LRRC4C: variants seen among roughly 807,000 people sequenced by gnomAD.
LRRC4C encodes leucine rich repeat containing 4C.
LRRC4C carries 5 observed loss-of-function variants against 33.6 expected under a neutral mutation model. The observed-to-expected ratio is 0.15, with a 90% CI of 0.08 to 0.31. The LOEUF (loss-of-function observed/expected upper bound fraction) is 0.31. Among genes scored for constraint, LRRC4C ranks in the 10% least tolerant of loss-of-function variants. The probability of loss-of-function intolerance (pLI) is 1.00; values close to 1 mark genes in which losing one functional copy is unlikely to be tolerated. For synonymous variants in LRRC4C, 329 were observed against 302.0 expected, an observed-to-expected ratio of 1.09 and a Z score of -0.93; for missense variants, 560 against 796.7, an observed-to-expected ratio of 0.70 and a Z score of 3.58.
At chr11:41,116,752 C>T (rs1386588354) in intron 1 of LRRC4C, among the ~76,000 whole-genome samples, 2 of 151,970 alleles carry the variant, frequency 1.3e-5, no homozygotes, top group Non-Finnish European at 2.9e-5. Context: ...CTAACTCTAC[C>T]CCCAGGAATT....
chr11:40,242,158 G>A (rs966369115), intron 4 of LRRC4C, among the ~76,000 whole-genome samples: 11 of 152,114 alleles, frequency 7.2e-5, no homozygotes, highest in African/African-American at 2.7e-4. Context: ...TCAGCCGTCT[G>A]GACTTCTCTG....
intron 2 of LRRC4C, among the ~76,000 whole-genome samples, chr11:40,817,575 G>A (rs183909039): frequency 2.7e-4 from 41 of 152,190 alleles, no homozygotes; most frequent in African/African-American, 9.9e-4. Context: ...TTACTGGTCC[G>A]TAATATCCCA....
At chr11:40,726,643 C>T (rs905703264) in intron 2 of LRRC4C, among the ~76,000 whole-genome samples, 3 of 152,096 alleles carry the variant, frequency 2.0e-5, no homozygotes, top group Non-Finnish European at 4.4e-5. Flanking sequence ...AGCCCACAGC[C>T]AACATCATAC....
chr11:40,298,420 G>A lies in LRRC4C; in HGVS notation c.-176+21208C>T, dbSNP rs75722186. Among the ~76,000 whole-genome samples the A allele has an allele frequency of 9.3e-3, 1,395 of 150,680 alleles. 17 individuals carry two copies. The highest frequency in any genetic ancestry group is 0.032 in the African/African-American group (1,310 of 41,032). On this transcript the variant is annotated intron_variant, in intron 4 of 6. Coordinates refer to ENST00000528697, the MANE Select transcript of LRRC4C (RefSeq NM_001258419.2). ...AGAATGGTCTCAGCTATAGTCACTGGTGCAACTGGGCTCCACCCCACATGC... is the reference window on the plus strand; with the variant it reads ...AGAATGGTCTCAGCTATAGTCACTGATGCAACTGGGCTCCACCCCACATGC...
At chr11:40,439,962 G>A (rs1951317621) in intron 3 of LRRC4C, among the ~76,000 whole-genome samples, 1 of 152,164 alleles carries the variant, frequency 6.6e-6, no homozygotes, top group African/African-American at 2.4e-5. Context: ...ATAAAGTTTT[G>A]TTTGAATGCA....
At chr11:40,909,425 G>A (rs1459386859) in intron 2 of LRRC4C, among the ~76,000 whole-genome samples, 1 of 151,966 alleles carries the variant, frequency 6.6e-6, no homozygotes, top group Non-Finnish European at 1.5e-5. Context: ...ACAGTAAGAA[G>A]GCTATTAACT....
At chr11:40,758,970 A>G (rs544177010) in intron 2 of LRRC4C, among the ~76,000 whole-genome samples, 1 of 151,496 alleles carries the variant, frequency 6.6e-6, no homozygotes, top group African/African-American at 2.4e-5. Flanking sequence ...TCTTTTATAT[A>G]TTCAGTCTCT....
At chr11:40,509,489 T>A (rs1218171172) in intron 3 of LRRC4C, among the ~76,000 whole-genome samples, 1 of 152,016 alleles carries the variant, frequency 6.6e-6, no homozygotes, top group Non-Finnish European at 1.5e-5. Flanking sequence ...TTTTTAAAAT[T>A]TTTTTAATTT....
At chr11:40,305,212 C>T (rs1944970985) in intron 4 of LRRC4C, among the ~76,000 whole-genome samples, 1 of 152,206 alleles carries the variant, frequency 6.6e-6, no homozygotes, top group Admixed American at 6.5e-5. Context: ...GAGGTCATCC[C>T]TCTCAAGCAA....
At chr11:40,386,216 T>C (rs1195602656) in intron 3 of LRRC4C, among the ~76,000 whole-genome samples, 1 of 152,192 alleles carries the variant, frequency 6.6e-6, no homozygotes, top group East Asian at 1.9e-4. Flanking sequence ...TAAATAATCA[T>C]GTCCAAACAG....
intron 2 of LRRC4C, among the ~76,000 whole-genome samples, chr11:40,868,983 C>G (rs1456653246): frequency 6.6e-6 from 1 of 152,104 alleles, no homozygotes; most frequent in Non-Finnish European, 1.5e-5. Context: ...CTTAGAAACA[C>G]TAATAACATT....
chr11:40,633,019 T>C (rs571361676), intron 3 of LRRC4C, among the ~76,000 whole-genome samples: 1 of 152,352 alleles, frequency 6.6e-6, no homozygotes, highest in African/African-American at 2.4e-5. Context: ...ACTTTGGGTT[T>C]TTTTCTTAAC....
At chr11:41,169,753 G>A (rs2136085554) in intron 1 of LRRC4C, among the ~76,000 whole-genome samples, 1 of 152,200 alleles carries the variant, frequency 6.6e-6, no homozygotes, top group Non-Finnish European at 1.5e-5. Context: ...CTGAAAAGTA[G>A]CAAGCTTTAT....
intron 1 of LRRC4C, among the ~76,000 whole-genome samples, chr11:41,119,065 T>A (rs1184045134): frequency 6.6e-6 from 1 of 151,944 alleles, no homozygotes; most frequent in African/African-American, 2.4e-5. Context: ...CTTTAACAAT[T>A]CATTATCATC....
At chr11:40,191,590 G>A (rs1861844561) in intron 5 of LRRC4C, among the ~76,000 whole-genome samples, 2 of 152,264 alleles carry the variant, frequency 1.3e-5, no homozygotes, top group South Asian at 2.1e-4. Context: ...ATCAATCAGA[G>A]TTGGCATTAA....
chr11:41,320,300 T>A (rs1250389495), intron 1 of LRRC4C, among the ~76,000 whole-genome samples: 2 of 152,226 alleles, frequency 1.3e-5, no homozygotes, highest in Admixed American at 1.3e-4. Context: ...CCGATGGTAA[T>A]CCACATTTGA....
chr11:40,119,838 C>CT (rs1056531778), intron 6 of LRRC4C, among the ~76,000 whole-genome samples: 2 of 152,102 alleles, frequency 1.3e-5, no homozygotes, highest in Non-Finnish European at 2.9e-5. Context: ...CAGTCACCTT[C>CT]TTTATCAGGT....
intron 1 of LRRC4C, among the ~76,000 whole-genome samples, chr11:41,354,520 G>T (rs1449349973): frequency 6.6e-6 from 1 of 151,808 alleles, no homozygotes; most frequent in Admixed American, 6.6e-5. Flanking sequence ...AGGAAAAAAA[G>T]ATATTCTAAA....
At chr11:41,190,237 C>G (rs972381677) in intron 1 of LRRC4C, among the ~76,000 whole-genome samples, 1 of 151,842 alleles carries the variant, frequency 6.6e-6, no homozygotes, top group African/African-American at 2.4e-5. Context: ...TGAAGACAGA[C>G]GGAGGACAAG....
Sources: gnomAD v4.1 joint callset for allele counts (sites outside exome capture counted in the v4.1 genomes callset) on GRCh38, gnomAD v4.1.1 for gene constraint, MANE v1.5 for transcripts, NCBI Gene and HGNC (gene_info 2026-07-23, HGNC 2026-07-21) for gene names.